Variants in CCDC91 observed in about 807,000 individuals in gnomAD.
CCDC91 encodes coiled-coil domain-containing protein 91.
In CCDC91, 48 loss-of-function variants were observed where a neutral mutation model predicts 63.2. That is an observed-to-expected ratio of 0.76 (90% CI 0.60 to 0.97). CCDC91 has a LOEUF of 0.97. Ranked by LOEUF, CCDC91 falls within the 50% of genes least tolerant of loss-of-function variation. The pLI is 0.00. For synonymous variants in CCDC91, 167 were observed against 165.8 expected, an observed-to-expected ratio of 1.01 and a Z score of -0.06; for missense variants, 500 against 494.6, an observed-to-expected ratio of 1.01 and a Z score of -0.10.
chr12:28,375,646 A>G (rs1565879624), intron 7 of CCDC91, among the ~76,000 whole-genome samples: 1 of 151,920 alleles, frequency 6.6e-6, no homozygotes, highest in Non-Finnish European at 1.5e-5. Flanking sequence ...AAAATCTTTT[A>G]TTCTGATAAT....
chr12:28,432,468 T>C (rs1213996169), intron 8 of CCDC91, among the ~76,000 whole-genome samples: 1 of 152,084 alleles, frequency 6.6e-6, no homozygotes, highest in Admixed American at 6.6e-5. Context: ...ACTCTTTCTC[T>C]AGCCTGCTGC....
intron 3 of CCDC91, 43 bp from the exon 4 acceptor site, chr12:28,305,606 C>T: frequency 6.5e-7 from 1 of 1,535,352 alleles, no homozygotes; most frequent in Non-Finnish European, 8.8e-7. Flanking sequence ...TCTGTTTTCT[C>T]TTTAATAATC....
At chr12:28,249,647 T>C (rs562284003) in intron 1 of CCDC91, among the ~76,000 whole-genome samples, 1 of 152,050 alleles carries the variant, frequency 6.6e-6, no homozygotes, top group East Asian at 1.9e-4. Context: ...GTACTTTGCA[T>C]GCACACTAAA....
At chr12:28,479,747 A>C (rs1428384395) in intron 11 of CCDC91, among the ~76,000 whole-genome samples, 1 of 152,046 alleles carries the variant, frequency 6.6e-6, no homozygotes, top group Non-Finnish European at 1.5e-5. Flanking sequence ...TATGTGAGTA[A>C]TACTTTGCCC....
chr12:28,216,022 T>C (rs1943540700), intron 1 of CCDC91, among the ~76,000 whole-genome samples: 1 of 152,114 alleles, frequency 6.6e-6, no homozygotes, highest in Admixed American at 6.5e-5. Flanking sequence ...TCAATAGCAA[T>C]ACTTAGTAGT....
chr12:28,458,412 G>T (rs1950149936), intron 11 of CCDC91, among the ~76,000 whole-genome samples: 1 of 131,620 alleles, frequency 7.6e-6, no homozygotes, highest in African/African-American at 2.9e-5. Flanking sequence ...TCCAGAGAAT[G>T]AGAATTCATC....
Position 28,210,580 on chromosome 12 carries a change from A to G in CCDC91, c.-15+19939A>G, listed in dbSNP as rs192402623. On this transcript the variant is annotated intron_variant, in intron 1 of 12. Transcript: ENST00000536442. Reference sequence around the variant, plus strand: ...GTCTCTGGTGCCTCCTGTTTTTCCCAAGGAGTCCCAGGCTGTTAGAGCTTG... The same window carrying G: ...GTCTCTGGTGCCTCCTGTTTTTCCCGAGGAGTCCCAGGCTGTTAGAGCTTG... Among the ~76,000 whole-genome samples, 17 of 152,310 alleles carry G rather than the reference A, an allele frequency of 1.1e-4. No individual in the cohort carries two copies. In the East Asian group the frequency reaches 3.3e-3, roughly 29 times the overall value.
chr12:28,247,032 A>G (rs1374839982), intron 1 of CCDC91, among the ~76,000 whole-genome samples: 3 of 152,234 alleles, frequency 2.0e-5, no homozygotes, highest in Non-Finnish European at 4.4e-5. Context: ...TTCATTTGAC[A>G]TATGAGGACA....
intron 11 of CCDC91, among the ~76,000 whole-genome samples, chr12:28,454,876 T>G (rs559094630): frequency 6.6e-6 from 1 of 151,966 alleles, no homozygotes; most frequent in African/African-American, 2.4e-5. Context: ...TTGCCCAGGG[T>G]GAAGGACCCT....
chr12:28,263,309 T>G (rs1419136959), intron 3 of CCDC91, among the ~76,000 whole-genome samples: 1 of 152,040 alleles, frequency 6.6e-6, no homozygotes, highest in Admixed American at 6.6e-5. Flanking sequence ...AGTTCAGTAT[T>G]GTATATGTAA....
Position 28,306,726 on chromosome 12 carries a change from T to G in CCDC91, c.268-16T>G. ...AACTTTCCTCTCTTGTGTATTTTTT[T>G]TTTTATGTGGTTTAGATTCAGCAAT... is the stretch of plus-strand genomic sequence containing the variant. On this transcript the variant is annotated splice_polypyrimidine_tract_variant and intron_variant, in intron 4 of 12. Coordinates refer to ENST00000536442, the MANE Select transcript of CCDC91 (RefSeq NM_018318.5). 1 of 1,567,894 alleles carries G rather than the reference T, an allele frequency of 6.4e-7. No individual in the cohort carries two copies. The highest frequency in any genetic ancestry group is 1.2e-5 in the South Asian group (1 of 84,750).
intron 3 of CCDC91, among the ~76,000 whole-genome samples, chr12:28,295,399 C>T (rs1949508098): frequency 6.6e-6 from 1 of 151,858 alleles, no homozygotes; most frequent in African/African-American, 2.4e-5. Flanking sequence ...TTATTGAACA[C>T]CTTTGATATA....
At chr12:28,417,640 TACAC>T (rs1555208049) in intron 8 of CCDC91, among the ~76,000 whole-genome samples, 1 of 112,148 alleles carries the variant, frequency 8.9e-6, no homozygotes, top group African/African-American at 2.7e-5. Context: ...TATATATATA[TACAC>T]ACACACACAC....
intron 1 of CCDC91, among the ~76,000 whole-genome samples, chr12:28,237,620 C>T (rs933087808): frequency 1.3e-5 from 2 of 152,086 alleles, no homozygotes; most frequent in African/African-American, 2.4e-5. Context: ...ATGGATTCTC[C>T]CCTAGAGCCT....
intron 12 of CCDC91, among the ~76,000 whole-genome samples, chr12:28,506,645 T>C (rs1185446935): frequency 1.3e-5 from 2 of 151,968 alleles, no homozygotes; most frequent in African/African-American, 4.8e-5. Flanking sequence ...TTAATGCTTA[T>C]AACAGGGCTA....
At position 28,549,440 on chromosome 12, in the gene CCDC91, C is replaced by A. The variant is rs985758283; in HGVS notation, c.*267C>A. The A allele has an allele frequency of 1.3e-4, 29 of 220,614 alleles. No homozygotes were observed. The highest frequency in any genetic ancestry group is 6.4e-4 in the African/African-American group (28 of 43,552). The allele number at this position is 220,614 out of a possible 1,614,324, so 13.7% of individuals were successfully genotyped here. ...ATGACCCAAAAGCCATTGTAAAGTG[C>A]CACATTACCAAAATTAATTAAGTAA... On this transcript the variant is annotated 3_prime_UTR_variant, in exon 13 of 13. Coordinates refer to ENST00000536442, the MANE Select transcript of CCDC91 (RefSeq NM_018318.5).
chr12:28,239,141 G>A (rs1945166780), intron 1 of CCDC91, among the ~76,000 whole-genome samples: 1 of 151,300 alleles, frequency 6.6e-6, no homozygotes, highest in Admixed American at 6.6e-5. Flanking sequence ...AAAAATATAT[G>A]TGGCATCTTA....
chr12:28,402,559 T>A (rs1946697572), intron 8 of CCDC91, among the ~76,000 whole-genome samples: 1 of 142,470 alleles, frequency 7.0e-6, no homozygotes, highest in Non-Finnish European at 1.5e-5. Context: ...ACTCTTTGGA[T>A]TTTCTACACA....
intron 3 of CCDC91, among the ~76,000 whole-genome samples, chr12:28,305,106 A>C (rs964751137): frequency 6.6e-6 from 1 of 152,122 alleles, no homozygotes; most frequent in African/African-American, 2.4e-5. Flanking sequence ...AGTTGTTTCA[A>C]AGTAATTGTT....
Sources: gnomAD v4.1 joint callset for allele counts (sites outside exome capture counted in the v4.1 genomes callset) on GRCh38, gnomAD v4.1.1 for gene constraint, MANE v1.5 for transcripts, NCBI Gene and HGNC (gene_info 2026-07-23, HGNC 2026-07-21) for gene names.